Variants in ACSM3 observed in about 807,000 individuals in gnomAD.
ACSM3 encodes the protein acyl-coenzyme A synthetase ACSM3, mitochondrial.
ACSM3 carries 61 observed loss-of-function variants against 74.1 expected under a neutral mutation model. That is an observed-to-expected ratio of 0.82 (90% confidence interval 0.67 to 1.02). The LOEUF (loss-of-function observed/expected upper bound fraction) is 1.02, where lower values mean the gene tolerates loss of function less well. Ranked by LOEUF, ACSM3 falls within the 50% of genes least tolerant of loss-of-function variation. ACSM3 has a pLI of 0.00. For synonymous variants in ACSM3, 213 were observed against 241.5 expected (o/e 0.88, Z 1.09); for missense variants, 660 against 697.0 (o/e 0.95, Z 0.60).
At chr16:20,684,428 C>T (rs1016579985) in intron 1 of ACSM3, among the ~76,000 whole-genome samples, 8 of 152,190 alleles carry the variant, frequency 5.3e-5, no homozygotes, top group Non-Finnish European at 8.8e-5. Context: ...AACAGTATAA[C>T]TGAAGAGGGA....
chr16:20,788,104 A>T (rs372122694), intron 9 of ACSM3, among the ~76,000 whole-genome samples: 4 of 152,082 alleles, frequency 2.6e-5, no homozygotes, highest in East Asian at 3.8e-4. Context: ...TTATTTATTT[A>T]TTTATTTTTT....
chr16:20,711,649 A>T, intron 1 of ACSM3: 1 of 786,436 alleles, frequency 1.3e-6, no homozygotes, highest in Non-Finnish European at 2.1e-6. Flanking sequence ...ACAAAGCCGG[A>T]ACAGGTGGCT....
chr16:20,681,253 T>A (rs2079440785), intron 1 of ACSM3: 1 of 152,224 alleles, frequency 6.6e-6, no homozygotes, highest in African/African-American at 2.4e-5. Context: ...ATGCTATATA[T>A]TGAAATAGAT....
chr16:20,682,178 C>T (rs2079459334), intron 1 of ACSM3: 1 of 1,415,396 alleles, frequency 7.1e-7, no homozygotes, highest in African/African-American at 1.4e-5. Context: ...CCTCCTCAAC[C>T]CCACTGGTCT....
At chr16:20,709,746 TA>T (rs2079738673) in intron 1 of ACSM3, among the ~76,000 whole-genome samples, 1 of 152,244 alleles carries the variant, frequency 6.6e-6, no homozygotes, top group South Asian at 2.1e-4. Context: ...TATTCATAAA[TA>T]AAGTCTCCTT....
At chr16:20,742,952 T>C (rs2152425655) in intron 1 of ACSM3, among the ~76,000 whole-genome samples, 1 of 148,366 alleles carries the variant, frequency 6.7e-6, no homozygotes, top group East Asian at 2.0e-4. Flanking sequence ...TTTTTTTTTT[T>C]TTTTTTGAGA....
chr16:20,694,964 C>A (rs918287285), intron 1 of ACSM3, among the ~76,000 whole-genome samples: 1 of 152,136 alleles, frequency 6.6e-6, no homozygotes, highest in African/African-American at 2.4e-5. Context: ...GGACCTCCAG[C>A]CTTCAGAACT....
At chr16:20,796,541 A>C in intron 13 of ACSM3, 52 bp downstream of exon 13, 1 of 1,595,850 alleles carries the variant, frequency 6.3e-7, no homozygotes, top group Non-Finnish European at 8.5e-7. Flanking sequence ...GACAATTTCA[A>C]GTGTTTATTT....
Position 20,781,701 on chromosome 16 carries a change from A to G in ACSM3, c.940-7A>G. The G allele has an allele frequency of 6.2e-7, 1 of 1,609,102 alleles. No individual in the cohort carries two copies. Among genetic ancestry groups the G allele is most frequent in the East Asian group, 2.2e-5 (1 of 44,830 alleles). ...AAGACCAAGAGTTTGCTTTTTCTAA[A>G]TTGCAGACACTCTCCAAGTACCCCA... is the stretch of plus-strand genomic sequence containing the variant. On this transcript the variant is annotated splice_polypyrimidine_tract_variant and splice_region_variant and intron_variant, in intron 6 of 13. Transcript: ENST00000289416.
chr16:20,772,967 C>CAAA (rs200907446), intron 2 of ACSM3, among the ~76,000 whole-genome samples: 1 of 81,424 alleles, frequency 1.2e-5, no homozygotes, highest in Non-Finnish European at 2.6e-5. Context: ...GACTCCCTCT[C>CAAA]AAAAAAAAAA....
At chr16:20,789,493 G>A in intron 9 of ACSM3, 1 of 1,612,826 alleles carries the variant, frequency 6.2e-7, no homozygotes, top group Non-Finnish European at 8.5e-7. Flanking sequence ...GTCAACCAGA[G>A]AATATTCCCC....
intron 1 of ACSM3, among the ~76,000 whole-genome samples, chr16:20,694,223 C>T (rs551862935): frequency 3.3e-5 from 5 of 152,302 alleles, no homozygotes; most frequent in South Asian, 2.1e-4. Flanking sequence ...TGTGAGGTCC[C>T]GTTCCAGCCA....
chr16:20,706,738 C>A (rs150653219), intron 1 of ACSM3, among the ~76,000 whole-genome samples: 17 of 152,272 alleles, frequency 1.1e-4, no homozygotes, highest in East Asian at 3.9e-4. Context: ...ACAGTAGTAC[C>A]TCAGAAGACA....
At chr16:20,769,880 A>G in intron 1 of ACSM3, 104 bp from the exon 2 acceptor site, 1 of 649,062 alleles carries the variant, frequency 1.5e-6, no homozygotes, top group South Asian at 1.9e-5. Context: ...AGCAAATGGT[A>G]CTATCATGAT....
chr16:20,771,371 CTTTTT>C (rs57406215), intron 2 of ACSM3, among the ~76,000 whole-genome samples: 1 of 85,266 alleles, frequency 1.2e-5, no homozygotes, highest in East Asian at 2.7e-4. Context: ...GGCCGAGCTC[CTTTTT>C]TTTTTTTTTT....
At chr16:20,762,387 G>GA (rs1482570029), upstream of ACSM3, among the ~76,000 whole-genome samples, 2 of 151,224 alleles carry the variant, frequency 1.3e-5, no homozygotes, top group Non-Finnish European at 2.9e-5. Context: ...CTGAACAAAA[G>GA]AAAGAAACTA....
At chr16:20,785,155 T>C in intron 8 of ACSM3, 48 bp downstream of exon 8, 2 of 1,606,238 alleles carry the variant, frequency 1.2e-6, no homozygotes, top group South Asian at 1.1e-5. Flanking sequence ...TTTAGTCAGA[T>C]GAATAAAAAC....
At chr16:20,750,163 T>C (rs1406770592) in intron 2 of ACSM3, among the ~76,000 whole-genome samples, 1 of 152,262 alleles carries the variant, frequency 6.6e-6, no homozygotes, top group Non-Finnish European at 1.5e-5. Context: ...TAAGACTTGA[T>C]TGGAAAACTA....
intron 1 of ACSM3, chr16:20,741,481 G>GGGGGGGGGGCGCCCCCCCCCCCC: frequency 2.3e-6 from 3 of 1,308,412 alleles, no homozygotes; most frequent in Non-Finnish European, 2.0e-6. Context: ...CTGGCAGCCG[G>GGGGGGGGGGCGCCCCCCCCCCCC]CCCGCCCGCC....
Sources: allele counts gnomAD v4.1 joint callset (sites outside exome capture counted in the v4.1 genomes callset), GRCh38; gene constraint gnomAD v4.1.1; transcripts MANE v1.5; gene names NCBI Gene and HGNC (gene_info 2026-07-23, HGNC 2026-07-21).